GABRB2: variants seen among roughly 807,000 people sequenced by gnomAD.
GABRB2 encodes the protein gamma-aminobutyric acid receptor subunit beta-2.
Under a neutral mutation model 54.7 loss-of-function variants are expected in GABRB2, and 16 were observed. That is an observed-to-expected ratio of 0.29 (90% CI 0.20 to 0.44). The LOEUF (loss-of-function observed/expected upper bound fraction) is 0.44, where lower values mean the gene tolerates loss of function less well. GABRB2 is among the 20% of genes least tolerant of loss of function. The probability of loss-of-function intolerance (pLI) is 1.00; values close to 1 mark genes in which losing one functional copy is unlikely to be tolerated. For synonymous variants in GABRB2, 244 were observed against 233.8 expected, an observed-to-expected ratio of 1.04 and a Z score of -0.40; for missense variants, 355 against 644.0, an observed-to-expected ratio of 0.55 and a Z score of 4.86.
chr5:161,473,763 C>T (rs1302811002), intron 3 of GABRB2, among the ~76,000 whole-genome samples: 1 of 151,896 alleles, frequency 6.6e-6, no homozygotes, highest in Admixed American at 6.6e-5. Flanking sequence ...GCTCTCCAGC[C>T]ATGTTAAAGG....
At chr5:161,396,717 A>G (rs1756013503) in intron 5 of GABRB2, among the ~76,000 whole-genome samples, 1 of 152,180 alleles carries the variant, frequency 6.6e-6, no homozygotes, top group African/African-American at 2.4e-5. Flanking sequence ...TTCATAATGT[A>G]TTTATATATC....
intron 4 of GABRB2, among the ~76,000 whole-genome samples, chr5:161,456,548 A>C (rs1343270278): frequency 6.6e-6 from 1 of 152,176 alleles, no homozygotes; most frequent in Non-Finnish European, 1.5e-5. Context: ...CAGAATAGTG[A>C]AGATCAACGT....
chr5:161,336,154 C>T (rs1753984131), intron 6 of GABRB2, among the ~76,000 whole-genome samples: 1 of 152,138 alleles, frequency 6.6e-6, no homozygotes, highest in African/African-American at 2.4e-5. Context: ...TTAGCTCACA[C>T]AGGAGGTGAA....
intron 5 of GABRB2, among the ~76,000 whole-genome samples, chr5:161,410,596 G>C (rs962816769): frequency 1.3e-5 from 2 of 152,106 alleles, no homozygotes; most frequent in African/African-American, 4.8e-5. Context: ...GTTTATGAGA[G>C]GCAAAGACAG....
At chr5:161,398,352 T>C (rs1285246891) in intron 5 of GABRB2, among the ~76,000 whole-genome samples, 1 of 152,204 alleles carries the variant, frequency 6.6e-6, no homozygotes, top group Non-Finnish European at 1.5e-5. Flanking sequence ...TAATCCTTCC[T>C]TCAATAAGCA....
intron 9 of GABRB2, 43 bp from the exon 10 acceptor site, chr5:161,294,471 C>T (rs1235987762): frequency 1.3e-6 from 2 of 1,545,840 alleles, no homozygotes; most frequent in Admixed American, 3.5e-5. Context: ...AACAATGAAG[C>T]TTTACAGGTG....
intron 9 of GABRB2, among the ~76,000 whole-genome samples, chr5:161,316,982 TG>T: frequency 6.6e-6 from 1 of 152,156 alleles, no homozygotes; most frequent in African/African-American, 2.4e-5. Context: ...GTAATTATCT[TG>T]TGTTACTCCA....
chr5:161,378,758 C>T (rs925986376), intron 5 of GABRB2, among the ~76,000 whole-genome samples: 52 of 152,008 alleles, frequency 3.4e-4, no homozygotes, highest in South Asian at 2.1e-4. Flanking sequence ...TGAAATGCCA[C>T]GAAATGTCTC....
At chr5:161,385,967 T>G (rs1032027634) in intron 5 of GABRB2, among the ~76,000 whole-genome samples, 1 of 150,618 alleles carries the variant, frequency 6.6e-6, no homozygotes, top group Admixed American at 6.6e-5. Flanking sequence ...TGTGTGTGTG[T>G]GTGTGTGTGT....
intron 3 of GABRB2, among the ~76,000 whole-genome samples, chr5:161,489,873 T>C (rs1759048173): frequency 6.6e-6 from 1 of 151,754 alleles, no homozygotes; most frequent in African/African-American, 2.4e-5. Context: ...CTTTATGAGA[T>C]TGCACTGTTT....
chr5:161,513,203 C>T (rs1759833711), intron 3 of GABRB2, among the ~76,000 whole-genome samples: 1 of 151,984 alleles, frequency 6.6e-6, no homozygotes, highest in Admixed American at 6.6e-5. Context: ...ACTACTTAAG[C>T]TACTTAACTA....
At chr5:161,543,580 A>G (rs748705405) in intron 3 of GABRB2, among the ~76,000 whole-genome samples, 5 of 152,204 alleles carry the variant, frequency 3.3e-5, no homozygotes, top group Admixed American at 1.3e-4. Context: ...AGGAGTCTGA[A>G]TCAATCACGT....
chr5:161,532,684 T>A (rs1459795382), intron 3 of GABRB2, among the ~76,000 whole-genome samples: 1 of 152,178 alleles, frequency 6.6e-6, no homozygotes, highest in Non-Finnish European at 1.5e-5. Flanking sequence ...TTAAGATGAT[T>A]CTTTCTAGAT....
intron 9 of GABRB2, among the ~76,000 whole-genome samples, chr5:161,319,810 A>G (rs1289311554): frequency 6.6e-6 from 1 of 151,560 alleles, no homozygotes; most frequent in African/African-American, 2.4e-5. Context: ...GCTCTTTTTG[A>G]GTGGGAGTTA....
intron 9 of GABRB2, among the ~76,000 whole-genome samples, chr5:161,309,715 C>T (rs1214851439): frequency 6.6e-6 from 1 of 151,640 alleles, no homozygotes; most frequent in Non-Finnish European, 1.5e-5. Flanking sequence ...ACTGCAAGCT[C>T]CGCCTCCCAG....
intron 3 of GABRB2, among the ~76,000 whole-genome samples, chr5:161,503,180 G>T (rs1759501131): frequency 6.6e-6 from 1 of 151,692 alleles, no homozygotes; most frequent in Non-Finnish European, 1.5e-5. Context: ...GACTTTAAAA[G>T]AGTTTTTATA....
chr5:161,342,197 T>C (rs1030964724), intron 5 of GABRB2, among the ~76,000 whole-genome samples: 9 of 151,710 alleles, frequency 5.9e-5, no homozygotes, highest in Admixed American at 2.6e-4. Flanking sequence ...ACACTAGTCA[T>C]GGTGGTTTCA....
intron 3 of GABRB2, among the ~76,000 whole-genome samples, chr5:161,470,887 T>A (rs1405383874): frequency 6.6e-6 from 1 of 151,978 alleles, no homozygotes; most frequent in Non-Finnish European, 1.5e-5. Context: ...GATCCAGGCG[T>A]CTTATCTTTA....
At chr5:161,390,011 A>G (rs1012400732) in intron 5 of GABRB2, among the ~76,000 whole-genome samples, 11 of 152,096 alleles carry the variant, frequency 7.2e-5, no homozygotes, top group African/African-American at 2.7e-4. Flanking sequence ...CTGTTTGACA[A>G]TAACAGTAGG....
Sources: allele counts gnomAD v4.1 joint callset (sites outside exome capture counted in the v4.1 genomes callset), GRCh38; gene constraint gnomAD v4.1.1; transcripts MANE v1.5; gene names NCBI Gene and HGNC (gene_info 2026-07-23, HGNC 2026-07-21).